The following RIF1 variants were observed in gnomAD, a reference collection of about 807,000 sequenced individuals.
RIF1 encodes telomere-associated protein RIF1.
In RIF1, 45 loss-of-function variants were observed where a neutral mutation model predicts 247.1. The ratio of observed to expected loss-of-function variants is 0.18; its 90% CI spans 0.14 to 0.23. The LOEUF is 0.23. RIF1 is among the 10% of genes least tolerant of loss of function. RIF1 has a pLI of 1.00. For missense variants in RIF1, 2,967 were observed against 2,862.5 expected (o/e 1.04, Z -0.83); for synonymous variants, 1,087 against 978.8 (o/e 1.11, Z -2.06).
At chr2:151,497,511 A>G in intron 10 of RIF1, 1 of 1,495,844 alleles carries the variant, frequency 6.7e-7, no homozygotes, top group South Asian at 1.4e-5. Flanking sequence ...TTTGCTAAAG[A>G]AATTCACAAA....
intron 10 of RIF1, among the ~76,000 whole-genome samples, chr2:151,498,583 T>TTC (rs2061982319): frequency 6.6e-6 from 1 of 152,164 alleles, no homozygotes; most frequent in Admixed American, 6.5e-5. Context: ...GGTTGTTATT[T>TTC]TCATTGTTTG....
chr2:151,492,556 CCAGCAGATAGAGATGGATAGGAGCT>C, intron 9 of RIF1: 2 of 1,279,490 alleles, frequency 1.6e-6, no homozygotes, highest in South Asian at 2.6e-5. Context: ...CAAAGCCTTT[CCAGCAGATAGAGATGGATAGGAGCT>C]GGTGAGGGAC....
intron 13 of RIF1, among the ~76,000 whole-genome samples, chr2:151,507,476 C>T (rs1017304983): frequency 7.9e-5 from 12 of 152,200 alleles, no homozygotes; most frequent in African/African-American, 2.4e-4. Context: ...ATAAGCCTCT[C>T]CTTCCAGAAG....
the RIF1 span, chr2:151,525,889 C>T: frequency 3.3e-6 from 4 of 1,222,632 alleles, no homozygotes; most frequent in Non-Finnish European, 4.9e-6. Context: ...AGGCAACTGA[C>T]ATTATTTCAC....
rs923241787 is a variant in RIF1, at chr2:151,462,887, G to A, written c.3367G>A (p.Glu1123Lys). ...KEDSKMMITE[E>K]QMDSDIVIPQ... is the part of the protein sequence containing the mutation. ...ATATGTATATATTTCTGTGCAGGAG[G>A]AGCAAATGGACAGTGACATTGTCAT... is the stretch of plus-strand genomic sequence containing the variant. The change falls in exon 30 of 36, where the codon GAG becomes AAG. Residue 1123 changes from glutamate (E) to lysine (K), a missense_variant. Transcript: ENST00000444746. 1.9e-5 allele frequency: 31 copies of A among 1,590,186 alleles called. No homozygotes were observed. The Admixed American group carries it at 3.1e-4, about 16-fold the overall frequency.
intron 14 of RIF1, 84 bp downstream of exon 14, chr2:151,438,830 G>C (rs1691732044): frequency 1.2e-6 from 1 of 801,822 alleles, no homozygotes; most frequent in Non-Finnish European, 2.1e-6. Context: ...TGAATTGTTT[G>C]ACTATATAAA....
the RIF1 span, chr2:151,519,556 A>G: frequency 1.2e-5 from 10 of 849,560 alleles, no homozygotes; most frequent in African/African-American, 1.3e-4. Flanking sequence ...CAGTAGTTGG[A>G]TAATATTGTG....
chr2:151,491,450 A>G, intron 9 of RIF1: 1 of 366,902 alleles, frequency 2.7e-6, no homozygotes, highest in Non-Finnish European at 5.1e-6. Context: ...AAAATTAGAA[A>G]TGATAATAAT....
chr2:151,438,576 ATTG>A, intron 13 of RIF1, 105 bp from the exon 14 acceptor site: 3 of 724,254 alleles, frequency 4.1e-6, no homozygotes, highest in Non-Finnish European at 7.5e-6. Context: ...TAAATTAAGT[ATTG>A]TTCAATTTAT....
At chr2:151,497,590 T>TAAATA in intron 10 of RIF1, 5 of 1,542,992 alleles carry the variant, frequency 3.2e-6, no homozygotes, top group Non-Finnish European at 4.4e-6. Flanking sequence ...TCAAAATCAT[T>TAAATA]AAATAAGTAG....
rs538523030 is a variant in RIF1, at chr2:151,459,300, A to G, written c.2955+390A>G. Among the ~76,000 whole-genome samples, 20 of 152,348 alleles carry G rather than the reference A, an allele frequency of 1.3e-4. No homozygotes were observed. In the Middle Eastern group the frequency reaches 0.01, roughly 78 times the overall value. ...CAGGAAAATAAATCTTTGCTGTCACATGGCATTAGGAGCAAAGTTTCTTTG... is the reference window on the plus strand; with the variant it reads ...CAGGAAAATAAATCTTTGCTGTCACGTGGCATTAGGAGCAAAGTTTCTTTG... On this transcript the variant is annotated intron_variant, in intron 25 of 35. Transcript: ENST00000444746.
At chr2:151,436,095 G>A (rs573133566) in intron 11 of RIF1, among the ~76,000 whole-genome samples, 10 of 152,106 alleles carry the variant, frequency 6.6e-5, no homozygotes, top group Admixed American at 6.6e-4. Flanking sequence ...GTGGTCGTGG[G>A]CCCCTGTAAT....
chr2:151,474,681 A>C (rs1354985627), intron 35 of RIF1, among the ~76,000 whole-genome samples, 176 bp from the exon 36 acceptor site: 1 of 152,182 alleles, frequency 6.6e-6, no homozygotes, highest in Non-Finnish European at 1.5e-5. Context: ...ATCTCATAAT[A>C]ATAATAAGCA....
rs540031348 is a variant in RIF1 at position 151,464,206 on chromosome 2, A to G, written c.4686A>G (p.Glu1562=). Reference sequence around the variant, plus strand: ...CTGATAGTTCGGAGGCAAAAGAAGAAGGTTCTAGGAAGAAGAGATCTGGAA... The same window carrying G: ...CTGATAGTTCGGAGGCAAAAGAAGAGGGTTCTAGGAAGAAGAGATCTGGAA... ...SESDSSEAKE[E]GSRKKRSGKW... is the part of the protein sequence containing the mutation. The change falls in exon 30 of 36, where the codon GAA becomes GAG. Residue 1562 remains glutamate (E), a synonymous_variant. Coordinates refer to ENST00000444746, the MANE Select transcript of RIF1 (RefSeq NM_018151.5). The G allele has an allele frequency of 1.5e-4, 248 of 1,612,454 alleles. 6 individuals carry two copies. In the South Asian group the frequency reaches 2.7e-3, roughly 17 times the overall value.
the RIF1 span, chr2:151,514,874 G>T: frequency 6.3e-7 from 1 of 1,588,574 alleles, no homozygotes; most frequent in Admixed American, 1.8e-5. Flanking sequence ...GTGACCTCCA[G>T]GCCAGTCAGG....
At position 151,457,883 on chromosome 2, in the gene RIF1, A is replaced by G; in HGVS notation, c.2775A>G (p.Lys925=). The G allele has an allele frequency of 6.2e-7, 1 of 1,613,952 alleles. No individual in the cohort carries two copies. Among genetic ancestry groups the G allele is most frequent in the Non-Finnish European group, 8.5e-7 (1 of 1,179,902 alleles). The stretch of plus-strand genomic sequence containing the variant: ...GCATAATATTTCTGCACAAGAATAA[A>G]CAGATTCGAAAACAGAGTGCTCAGT... The part of the protein sequence containing the change: ...LLCIIFLHKN[K]QIRKQSAQFW... The change falls in exon 24 of 36, where the codon AAA becomes AAG. Residue 925 remains lysine (K), a synonymous_variant. Transcript: ENST00000444746.
In RIF1 at chr2:151,475,161, G is replaced by A. The variant is rs755903068; in HGVS notation, c.*90G>A. The stretch of plus-strand genomic sequence containing the variant: ...TCTGAAATAATAGCACAATTTCAAA[G>A]AAGAGACTCTTTGCAAAGTTGATAA... On this transcript the variant is annotated 3_prime_UTR_variant, in exon 36 of 36. Coordinates refer to ENST00000444746, the MANE Select transcript of RIF1 (RefSeq NM_018151.5). 10 of 900,618 alleles carry A rather than the reference G, an allele frequency of 1.1e-5. No homozygotes were observed. The highest frequency in any genetic ancestry group is 1.4e-5 in the Non-Finnish European group (8 of 566,414). The allele number at this position is 900,618 out of a possible 1,614,324, so 55.8% of individuals were successfully genotyped here.
intron 23 of RIF1, among the ~76,000 whole-genome samples, chr2:151,456,951 C>T (rs903652352): frequency 1.3e-5 from 2 of 152,144 alleles, no homozygotes; most frequent in African/African-American, 4.8e-5. Context: ...GCAGGCTTGT[C>T]TCGAACTCCT....
chr2:151,433,287 C>T, intron 10 of RIF1, 59 bp downstream of exon 10: 1 of 1,354,160 alleles, frequency 7.4e-7, no homozygotes, highest in African/African-American at 1.4e-5. Flanking sequence ...TTCTTAAATT[C>T]TTACCAATGT....
Sources: gnomAD v4.1 joint callset for allele counts (sites outside exome capture counted in the v4.1 genomes callset) on GRCh38, gnomAD v4.1.1 for gene constraint, MANE v1.5 for transcripts, NCBI Gene and HGNC (gene_info 2026-07-23, HGNC 2026-07-21) for gene names.